FGF14: variants seen among roughly 807,000 people sequenced by gnomAD.
FGF14 encodes the protein fibroblast growth factor homologous factor 4.
FGF14 carries 5 observed loss-of-function variants against 25.5 expected under a neutral mutation model. That is an observed-to-expected ratio of 0.20 (90% confidence interval 0.10 to 0.41). FGF14 has a LOEUF of 0.41. Among genes scored for constraint, FGF14 ranks in the 10% least tolerant of loss-of-function variants. FGF14 has a pLI of 1.00. For synonymous variants in FGF14, 138 were observed against 118.3 expected (o/e 1.17, Z -1.08); for missense variants, 222 against 320.1 (o/e 0.69, Z 2.34).
intron 3 of FGF14, among the ~76,000 whole-genome samples, chr13:101,759,630 T>C (rs919478462): frequency 9.2e-5 from 14 of 152,342 alleles, no homozygotes; most frequent in African/African-American, 2.6e-4. Context: ...TAATTTTACA[T>C]ATGACCTTCT....
At chr13:102,272,779 A>T (rs9518689) in intron 1 of FGF14, among the ~76,000 whole-genome samples, 40,189 of 151,768 alleles carry the variant, frequency 0.26, 5,635 homozygotes, top group Admixed American at 0.38. Flanking sequence ...ATATCTATAT[A>T]TCACTCAATA....
At chr13:102,178,787 A>T (rs1213602759) in intron 1 of FGF14, among the ~76,000 whole-genome samples, 1 of 152,144 alleles carries the variant, frequency 6.6e-6, no homozygotes, top group Non-Finnish European at 1.5e-5. Context: ...TACATCTCAC[A>T]AAAGTTGTGA....
At chr13:101,894,524 A>G (rs1003737020) in intron 1 of FGF14, among the ~76,000 whole-genome samples, 1 of 152,182 alleles carries the variant, frequency 6.6e-6, no homozygotes, top group African/African-American at 2.4e-5. Flanking sequence ...CCCCACACCC[A>G]GCGCTACAGC....
At chr13:102,137,822 C>G (rs2046477059) in intron 1 of FGF14, among the ~76,000 whole-genome samples, 1 of 150,780 alleles carries the variant, frequency 6.6e-6, no homozygotes, top group Non-Finnish European at 1.5e-5. Context: ...AAGGCTTTGT[C>G]TGAAAAGAAT....
At chr13:102,222,115 C>G (rs775903141) in intron 1 of FGF14, among the ~76,000 whole-genome samples, 1 of 152,172 alleles carries the variant, frequency 6.6e-6, no homozygotes, top group Non-Finnish European at 1.5e-5. Flanking sequence ...CTCAGTCTCA[C>G]TCTGAACACA....
chr13:102,230,972 G>T (rs938328964), intron 1 of FGF14, among the ~76,000 whole-genome samples: 2 of 152,142 alleles, frequency 1.3e-5, no homozygotes, highest in East Asian at 3.8e-4. Context: ...ACATACTCAA[G>T]GTCTCAGAGG....
intron 1 of FGF14, among the ~76,000 whole-genome samples, chr13:101,999,488 C>G (rs957843750): frequency 6.6e-6 from 1 of 152,068 alleles, no homozygotes; most frequent in African/African-American, 2.4e-5. Flanking sequence ...AAGCATCTGC[C>G]TCCTGGAGAT....
chr13:102,340,015 T>C (rs559089645), intron 1 of FGF14, among the ~76,000 whole-genome samples: 2 of 152,194 alleles, frequency 1.3e-5, no homozygotes, highest in Non-Finnish European at 2.9e-5. Flanking sequence ...AGCCTACTAG[T>C]GTTTGGATAA....
intron 3 of FGF14, among the ~76,000 whole-genome samples, chr13:101,731,841 C>G (rs890805675): frequency 1.9e-4 from 29 of 152,116 alleles, no homozygotes; most frequent in African/African-American, 7.0e-4. Context: ...AGGCACTTTC[C>G]TTTGTTTATA....
At chr13:102,006,435 C>T (rs955376306) in intron 1 of FGF14, among the ~76,000 whole-genome samples, 3 of 152,196 alleles carry the variant, frequency 2.0e-5, no homozygotes, top group African/African-American at 7.2e-5. Context: ...TGGCAAACCA[C>T]TGCCTCAGTG....
intron 1 of FGF14, among the ~76,000 whole-genome samples, chr13:102,132,518 T>TC (rs200744532): frequency 0.019 from 2,723 of 141,586 alleles, 94 homozygotes; most frequent in African/African-American, 0.067. Context: ...TTTCTTTCTT[T>TC]TTTTTTTTTT....
At chr13:102,281,863 C>T (rs1347512193) in intron 1 of FGF14, among the ~76,000 whole-genome samples, 1 of 151,998 alleles carries the variant, frequency 6.6e-6, no homozygotes, top group African/African-American at 2.4e-5. Flanking sequence ...CTATGTGTCC[C>T]AAACAGTGGT....
intron 1 of FGF14, among the ~76,000 whole-genome samples, chr13:102,069,762 G>A (rs1244132166): frequency 6.6e-6 from 1 of 151,888 alleles, no homozygotes; most frequent in Non-Finnish European, 1.5e-5. Flanking sequence ...CTTAAGAGCT[G>A]TAACACTCAC....
At chr13:101,887,315 CAT>C (rs1443837865) in intron 1 of FGF14, among the ~76,000 whole-genome samples, 3 of 135,404 alleles carry the variant, frequency 2.2e-5, no homozygotes, top group African/African-American at 5.7e-5. Context: ...AAATATATTT[CAT>C]ATATATGTGT....
chr13:102,089,146 C>G lies in FGF14; in HGVS notation c.209-213850G>C, dbSNP rs915682795. ...AGGGAAAACTAAGAACCAAGGTAAT[C>G]TATTTTAAATATTTGTTTGCATTCA... On this transcript the variant is annotated intron_variant, in intron 1 of 4. Coordinates refer to the FGF14 transcript ENST00000376131. 3.0e-4 allele frequency among the ~76,000 whole-genome samples: 46 copies of G among 151,686 alleles called. 2 individuals carry two copies. The highest frequency in any genetic ancestry group is 2.8e-3 in the Admixed American group (42 of 15,242).
At chr13:102,027,305 T>C (rs1375500637) in intron 1 of FGF14, among the ~76,000 whole-genome samples, 1 of 151,158 alleles carries the variant, frequency 6.6e-6, no homozygotes, top group Non-Finnish European at 1.5e-5. Flanking sequence ...ATATAGATAA[T>C]GACTATATAT....
chr13:102,114,032 G>A (rs1267065328), intron 1 of FGF14, among the ~76,000 whole-genome samples: 1 of 152,096 alleles, frequency 6.6e-6, no homozygotes, highest in Non-Finnish European at 1.5e-5. Flanking sequence ...ACCATCAAGA[G>A]GCAAAAGAAA....
intron 1 of FGF14, among the ~76,000 whole-genome samples, chr13:102,328,099 C>T (rs562070526): frequency 1.6e-4 from 25 of 152,084 alleles, no homozygotes; most frequent in Non-Finnish European, 3.1e-4. Flanking sequence ...AACCAGAGCA[C>T]GAATGGTCTT....
intron 1 of FGF14, among the ~76,000 whole-genome samples, chr13:102,330,950 T>C (rs1211767578): frequency 6.6e-6 from 1 of 152,208 alleles, no homozygotes; most frequent in Non-Finnish European, 1.5e-5. Flanking sequence ...AATAAATTAA[T>C]GAATGGATGT....
Sources: allele counts gnomAD v4.1 joint callset (sites outside exome capture counted in the v4.1 genomes callset), GRCh38; gene constraint gnomAD v4.1.1; transcripts MANE v1.5; gene names NCBI Gene and HGNC (gene_info 2026-07-23, HGNC 2026-07-21).